The following ZNF761 variants were observed in gnomAD, a reference collection of about 807,000 sequenced individuals.
ZNF761 encodes zinc finger protein 761.
A neutral mutation model predicts 59.9 loss-of-function variants in ZNF761; 43 were observed. That is an observed-to-expected ratio of 0.72 (90% CI 0.56 to 0.92). The LOEUF (loss-of-function observed/expected upper bound fraction) is 0.92. Ranked by LOEUF, ZNF761 falls within the 40% of genes least tolerant of loss-of-function variation. The pLI, the probability that ZNF761 is intolerant of heterozygous loss-of-function variation, is 0.00. For missense variants in ZNF761, 850 were observed against 906.1 expected (o/e 0.94, Z 0.79); for synonymous variants, 294 against 304.8 (o/e 0.96, Z 0.37).
In ZNF761 at chr19:53,439,127, C is replaced by T. The variant is rs62117327; in HGVS notation, c.-185+7099C>T. On this transcript the variant is annotated intron_variant, in intron 1 of 4. Coordinates refer to ENST00000684525, the MANE Select transcript of ZNF761 (RefSeq NM_001289951.2). ...CTTTACCAAAAATACAAAAATTAGG[C>T]AGCCATGGTGGCAGGCGCCTGTAAT... Among the ~76,000 whole-genome samples the T allele has an allele frequency of 6.9e-3, 1,049 of 152,092 alleles. 8 individuals are homozygous for T. The highest frequency in any genetic ancestry group is 8.6e-3 in the Non-Finnish European group (586 of 67,990).
chr19:53,432,868 A>AG (rs2085987476), intron 1 of ZNF761, among the ~76,000 whole-genome samples: 5 of 151,468 alleles, frequency 3.3e-5, no homozygotes, highest in Admixed American at 2.6e-4. Flanking sequence ...AGAGAGATGA[A>AG]GGACAGCAAG....
intron 1 of ZNF761, among the ~76,000 whole-genome samples, chr19:53,435,289 CTTTTTTTTTTT>C (rs368157010): frequency 1.7e-4 from 9 of 53,614 alleles, no homozygotes; most frequent in Admixed American, 2.5e-4. Flanking sequence ...AATACAAGTC[CTTTTTTTTTTT>C]TTTTTTTTTT....
intron 2 of ZNF761, 40 bp from the exon 3 acceptor site, chr19:53,447,156 G>T (rs1365104597): frequency 7.2e-7 from 1 of 1,398,570 alleles, no homozygotes; most frequent in Non-Finnish European, 9.8e-7. Flanking sequence ...GAGGTGGCGT[G>T]TTGATTCTGA....
At position 53,449,517 on chromosome 19, in the gene ZNF761, A is replaced by G. The variant is rs766538155; in HGVS notation, c.21A>G (p.Leu7=). 36 of 1,613,998 alleles carry G rather than the reference A, an allele frequency of 2.2e-5. No individual in the cohort carries two copies. In the East Asian group the frequency reaches 4.9e-4, roughly 22 times the overall value. Residue 7 remains leucine, a synonymous_variant, in exon 4 of 5, where the codon CTA becomes CTG. Transcript: ENST00000684525. ...AAAATGTGTTTTCATTTCAGGGTCT[A>G]TTGACATTCAGGGATGTGGCCATAG... MAFSQG[L]LTFRDVAIEF...
Position 53,454,810 on chromosome 19 carries a change from G to A in ZNF761, c.303G>A (p.Trp101Ter), listed in dbSNP as rs1340098646. The A allele has an allele frequency of 6.2e-7, 1 of 1,613,922 alleles. No individual in the cohort carries two copies. The highest frequency in any genetic ancestry group is 8.5e-7 in the Non-Finnish European group (1 of 1,180,018). The change falls in exon 5 of 5, where the codon TGG (tryptophan) becomes TGA (stop). Residue 101 changes from tryptophan (W) to a stop codon, truncating the protein, a stop_gained. Transcript: ENST00000684525. LOFTEE classifies it high-confidence loss of function. Reference sequence around the variant, plus strand: ...ATATTCATGACTATGAATTTCAATGGCAAGAAGATGAAAGAAATGGCCATG... The same window carrying A: ...ATATTCATGACTATGAATTTCAATGACAAGAAGATGAAAGAAATGGCCATG... ...DKDIHDYEFQ[W>*]QEDERNGHEA...
chr19:53,450,131 C>T (rs1000307740), intron 4 of ZNF761: 49 of 254,906 alleles, frequency 1.9e-4, no homozygotes, highest in Middle Eastern at 1.3e-3. Flanking sequence ...GGTGAAACCC[C>T]GTCTCTACTA....
In ZNF761 at chr19:53,454,944, C is replaced by A; in HGVS notation, c.437C>A (p.Ser146Ter). 4 of 1,614,116 alleles carry A rather than the reference C, an allele frequency of 2.5e-6. No individual in the cohort carries two copies. Among genetic ancestry groups the A allele is most frequent in the Non-Finnish European group, 3.4e-6 (4 of 1,180,024 alleles). The change falls in exon 5 of 5, where the codon TCG becomes TAG. Residue 146 changes from serine (S) to a stop codon, truncating the protein, a stop_gained. Transcript: ENST00000684525. LOFTEE classifies it high-confidence loss of function. The part of the protein sequence containing the change: ...IKDQLGSSFH[S>*]HLPEMHIFQT... ...GATCAGCTTGGATCAAGCTTTCATTCGCATCTGCCTGAAATGCACATATTT... is the reference window on the plus strand; with the variant it reads ...GATCAGCTTGGATCAAGCTTTCATTAGCATCTGCCTGAAATGCACATATTT...
chr19:53,456,725 C>T lies in ZNF761; in HGVS notation c.2218C>T (p.His740Tyr). ...KSNLTCHRRL[H>Y]TGEKQV ...AAACCTTACATGCCATCGTAGACTT[C>T]ATACTGGAGAAAAACAAGTGTAATG... is the stretch of plus-strand genomic sequence containing the variant. The change falls in exon 5 of 5, where the codon CAT (histidine) becomes TAT (tyrosine). Residue 740 changes from histidine to tyrosine, a missense_variant. Coordinates refer to ENST00000684525, the MANE Select transcript of ZNF761 (RefSeq NM_001289951.2). 1 of 1,613,800 alleles carries T rather than the reference C, an allele frequency of 6.2e-7. No individual in the cohort carries two copies.
chr19:53,432,473 T>G (rs1173113616), intron 1 of ZNF761, among the ~76,000 whole-genome samples: 3 of 152,084 alleles, frequency 2.0e-5, no homozygotes, highest in African/African-American at 7.2e-5. Context: ...ACCTCCCTCC[T>G]TGTGCCGGGC....
Position 53,457,245 on chromosome 19 carries a change from G to C in ZNF761, c.*497G>C. The C allele has an allele frequency of 8.9e-6, 4 of 447,002 alleles. No homozygotes were observed. The highest frequency in any genetic ancestry group is 7.2e-5 in the South Asian group (4 of 55,892). The allele number at this position is 447,002 out of a possible 1,614,324, so 27.7% of individuals were successfully genotyped here. On this transcript the variant is annotated 3_prime_UTR_variant, in exon 5 of 5. Coordinates refer to ENST00000684525, the MANE Select transcript of ZNF761 (RefSeq NM_001289951.2). ...CCATAAGGAAGAGAGATCATACTAGGGTAATAAATGTGGCAGATTTTTCAG... is the reference window on the plus strand; with the variant it reads ...CCATAAGGAAGAGAGATCATACTAGCGTAATAAATGTGGCAGATTTTTCAG...
intron 1 of ZNF761, among the ~76,000 whole-genome samples, chr19:53,433,443 C>A (rs113686585): frequency 1.9e-5 from 1 of 52,338 alleles, no homozygotes; most frequent in Non-Finnish European, 3.5e-5. Context: ...GAGCCCATTT[C>A]TTTGGCTTCG....
intron 4 of ZNF761, among the ~76,000 whole-genome samples, chr19:53,454,404 T>C (rs2086245439): frequency 6.6e-6 from 1 of 151,260 alleles, no homozygotes; most frequent in Admixed American, 6.6e-5. Flanking sequence ...TACTTTAGGC[T>C]ACACATGTTT....
chr19:53,435,386 C>T (rs2086029929), intron 1 of ZNF761, among the ~76,000 whole-genome samples: 2 of 142,134 alleles, frequency 1.4e-5, no homozygotes, highest in Non-Finnish European at 3.0e-5. Flanking sequence ...CTCACCACAA[C>T]CTCCACCTCC....
chr19:53,432,353 C>T (rs1268840502), intron 1 of ZNF761, among the ~76,000 whole-genome samples: 1 of 152,188 alleles, frequency 6.6e-6, no homozygotes, highest in Non-Finnish European at 1.5e-5. Flanking sequence ...TCGCCTTTGT[C>T]GGCCCCTGGA....
At chr19:53,442,365 A>C (rs4803127) in intron 1 of ZNF761, 119,638 of 1,029,302 alleles carry the variant, frequency 0.12, 8,169 homozygotes, top group East Asian at 0.23. Context: ...CCAGAACCTG[A>C]AGTGTCTGAG....
At chr19:53,442,422 G>A in intron 1 of ZNF761, 1 of 908,370 alleles carries the variant, frequency 1.1e-6, no homozygotes, top group East Asian at 2.4e-5. Context: ...ATGTGAGGAA[G>A]AGATGAAGAT....
Position 53,456,660 on chromosome 19 carries a change from A to T in ZNF761, c.2153A>T (p.Tyr718Phe), listed in dbSNP as rs556578867. Reference sequence around the variant, plus strand: ...AGACTTCATACTGGAGAGAAACCTTACAAGTGTAATGAGTGTGGCAAGACC... The same window carrying T: ...AGACTTCATACTGGAGAGAAACCTTTCAAGTGTAATGAGTGTGGCAAGACC... Reference protein sequence around the residue: ...HHRLHTGEKPYKCNECGKTFS... With the variant: ...HHRLHTGEKPFKCNECGKTFS... Residue 718 changes from tyrosine (Y) to phenylalanine (F), a missense_variant, in exon 5 of 5, where the codon TAC becomes TTC. Transcript: ENST00000684525. 6.2e-7 allele frequency: 1 copy of T among 1,614,018 alleles called. No homozygotes were observed. The highest frequency in any genetic ancestry group is 1.7e-5 in the Admixed American group (1 of 60,018).
Position 53,455,696 on chromosome 19 carries a change from C to A in ZNF761, c.1189C>A (p.Leu397Ile). 6.2e-7 allele frequency: 1 copy of A among 1,613,656 alleles called. No individual in the cohort carries two copies. ...CAAGACCTTTAGTCACAAGTCATCC[C>A]TTACATGCCATCGTAGACTTCATAC... ...CGKTFSHKSS[L>I]TCHRRLHTGE... Residue 397 changes from leucine (L) to isoleucine (I), a missense_variant, in exon 5 of 5, where the codon CTT (leucine) becomes ATT (isoleucine). By Grantham distance (5) the Leu-to-Ile change is conservative. Transcript: ENST00000684525.
intron 1 of ZNF761, among the ~76,000 whole-genome samples, chr19:53,438,683 C>T (rs1009608100): frequency 1.4e-4 from 22 of 152,284 alleles, no homozygotes; most frequent in African/African-American, 5.1e-4. Context: ...TATTTGTCAT[C>T]GGGTAGTCGG....
Sources: allele counts gnomAD v4.1 joint callset (sites outside exome capture counted in the v4.1 genomes callset), GRCh38; gene constraint gnomAD v4.1.1; transcripts MANE v1.5; gene names NCBI Gene and HGNC (gene_info 2026-07-23, HGNC 2026-07-21).